The following TEPSIN variants were observed in gnomAD, a reference collection of about 807,000 sequenced individuals.
TEPSIN encodes the protein TEPSIN adaptor related protein complex 4 accessory protein, also known as AP-4 complex accessory subunit tepsin.
Under a neutral mutation model 48.5 loss-of-function variants are expected in TEPSIN, and 50 were observed. The ratio of observed to expected loss-of-function variants is 1.03; its 90% CI spans 0.82 to 1.31. The LOEUF is 1.31. TEPSIN is among the 50% of genes most tolerant of loss of function. TEPSIN has a pLI of 0.00. For missense variants in TEPSIN, 838 were observed against 815.9 expected (o/e 1.03, Z -0.33); for synonymous variants, 392 against 358.8 (o/e 1.09, Z -1.05).
intron 2 of TEPSIN, 97 bp downstream of exon 2, chr17:81,237,290 C>T (rs747589064): frequency 2.9e-5 from 40 of 1,390,330 alleles, no homozygotes; most frequent in Non-Finnish European, 3.8e-5. Context: ...AGCCGTGCAT[C>T]CCCCTAGGGA....
chr17:81,230,150 C>T lies in TEPSIN; in HGVS notation c.1233+394G>A, dbSNP rs564687832. On this transcript the variant is annotated intron_variant, in intron 12 of 12. Coordinates refer to ENST00000637944, the MANE Select transcript of TEPSIN (RefSeq NM_001363764.2). The surrounding 1 kb of genome is among the most constrained non-coding windows in gnomAD (Gnocchi z 4.2). ...TCAAGTGCACAGAGATGAATGGAAC[C>T]ATTTCTGCCCTCCGGAGCTTGGGAG... 8.0e-5 allele frequency: 17 copies of T among 211,344 alleles called. No homozygotes were observed. The highest frequency in any genetic ancestry group is 1.3e-4 in the Non-Finnish European group (14 of 104,828). 13.1% of individuals were successfully genotyped at this position (211,344 alleles called of 1,614,324 possible).
chr17:81,236,851 C>A, intron 3 of TEPSIN, 50 bp from the exon 4 acceptor site: 1 of 1,546,636 alleles, frequency 6.5e-7, no homozygotes, highest in Non-Finnish European at 8.7e-7. Context: ...CACGGGACAC[C>A]CAGGGCAGGG....
intron 7 of TEPSIN, 144 bp from the exon 8 acceptor site, chr17:81,232,662 GC>G: frequency 2.8e-6 from 2 of 713,858 alleles, no homozygotes; most frequent in Non-Finnish European, 4.5e-6. Context: ...CTCCTGGTGG[GC>G]CCCAGGCCCT....
chr17:81,232,633 A>C (rs895324920), intron 7 of TEPSIN, 115 bp from the exon 8 acceptor site: 2 of 998,126 alleles, frequency 2.0e-6, no homozygotes, highest in Non-Finnish European at 2.8e-6. Context: ...GTCGGGGTAC[A>C]TGCTGCAGGT....
In TEPSIN at chr17:81,231,386, TGTGCAGCTCACCAGCTGC is replaced by T. The variant is rs2062604479; in HGVS notation, c.1092_1098+11del. On this transcript the variant is annotated splice_donor_variant and splice_donor_5th_base_variant and coding_sequence_variant and intron_variant, in exon 11 of 13. Coordinates refer to ENST00000637944, the MANE Select transcript of TEPSIN (RefSeq NM_001363764.2). LOFTEE classifies it high-confidence loss of function. ...ACACAGTCACGCCCTCCCGCCCGCG[TGTGCAGCTCACCAGCTGC>T]GTGCATTCACTGGTCCCACGCAGGT... 3 of 1,539,714 alleles carry T rather than the reference TGTGCAGCTCACCAGCTGC, an allele frequency of 1.9e-6. No homozygotes were observed. The highest frequency in any genetic ancestry group is 2.6e-6 in the Non-Finnish European group (3 of 1,141,910).
chr17:81,237,433 G>A lies in TEPSIN; in HGVS notation c.75C>T (p.Ser25=), dbSNP rs747160570. The change falls in exon 2 of 13, where the codon TCC becomes TCT. Residue 25 remains serine, a synonymous_variant. Coordinates refer to ENST00000637944, the MANE Select transcript of TEPSIN (RefSeq NM_001363764.2). ...HRLPILLKGT[S]DDDVPCPGYL... ...AGCCCGGACACGGGACATCATCATC[G>A]GACGTCCCCTTCAGGAGAATCGGGA... 1.6e-5 allele frequency: 25 copies of A among 1,611,106 alleles called. No homozygotes were observed. Among genetic ancestry groups the A allele is most frequent in the African/African-American group, 2.7e-5 (2 of 74,864 alleles).
At chr17:81,229,569 C>T in intron 12 of TEPSIN, 93 bp from the exon 13 acceptor site, 1 of 1,390,222 alleles carries the variant, frequency 7.2e-7, no homozygotes, top group African/African-American at 1.5e-5. Context: ...TCCTCAGTCC[C>T]TCCACCCAGA....
rs143572077 is a variant in TEPSIN at position 81,230,647 on chromosome 17, C to T, written c.1130G>A (p.Ser377Asn). Residue 377 changes from serine (S) to asparagine (N), a missense_variant, in exon 12 of 13, where the codon AGC becomes AAC. Ser to Asn is a conservative substitution (Grantham distance 46, BLOSUM62 1). Transcript: ENST00000637944. The surrounding 1 kb of genome is among the most constrained non-coding windows in gnomAD (Gnocchi z 4.2). Reference sequence around the variant, plus strand: ...GTGCTCCTGGGGGAGGAGGTCGCTGCTCCCCAGGGAGGCGATGGCACACAG... The same window carrying T: ...GTGCTCCTGGGGGAGGAGGTCGCTGTTCCCCAGGGAGGCGATGGCACACAG... The part of the protein sequence containing the change: ...RALCAIASLG[S>N]SDLLPQEHIL... 137 of 1,585,248 alleles carry T rather than the reference C, an allele frequency of 8.6e-5. No homozygotes were observed. The highest frequency in any genetic ancestry group is 5.1e-4 in the Middle Eastern group (3 of 5,910).
intron 1 of TEPSIN, chr17:81,238,613 A>C (rs2062768797): frequency 9.0e-7 from 1 of 1,109,876 alleles, no homozygotes; most frequent in South Asian, 3.9e-5. Context: ...ACCGTCAGGG[A>C]GGACGGCGGG....
rs759578255 is a variant in TEPSIN at position 81,232,412 on chromosome 17, C to T, written c.633G>A (p.Pro211=). 16 of 1,535,640 alleles carry T rather than the reference C, an allele frequency of 1.0e-5. No individual in the cohort carries two copies. Among genetic ancestry groups the T allele is most frequent in the South Asian group, 8.3e-5 (7 of 84,032 alleles). ...PESPSTRRLL[P]RGDTYQPAMM... ...TGGCAGGCTGGTAGGTGTCACCCCG[C>T]GGCAGGAGCCTCCGGGTACTGGGAC... Residue 211 remains proline, a synonymous_variant, in exon 8 of 13, where the codon CCG becomes CCA. Transcript: ENST00000637944.
In TEPSIN at chr17:81,234,347, T is replaced by G. The variant is rs2062684112; in HGVS notation, c.308-299A>C. On this transcript the variant is annotated intron_variant, in intron 4 of 12. Transcript: ENST00000637944. This position sits in a 1 kb window ranked among gnomAD's most constrained non-coding sequence, Gnocchi z 5.4. ...GGTGTGGCCTCCCCGAAGCCCACTC[T>G]CCCTGCCCCAGGTGCACCAGGGACC... 1.0e-5 allele frequency: 3 copies of G among 295,402 alleles called. No homozygotes were observed. The highest frequency in any genetic ancestry group is 1.2e-5 in the Non-Finnish European group (2 of 160,250). 18.3% of individuals were successfully genotyped at this position (295,402 alleles called of 1,614,324 possible).
intron 7 of TEPSIN, chr17:81,232,974 C>G (rs939360204): frequency 4.2e-6 from 1 of 237,736 alleles, no homozygotes; most frequent in Non-Finnish European, 8.2e-6. Flanking sequence ...GCCCAGGGCC[C>G]GGCAGCAGGG....
Position 81,233,941 on chromosome 17 carries a change from G to C in TEPSIN, c.375+40C>G. On this transcript the variant is annotated intron_variant, in intron 5 of 12. Coordinates refer to ENST00000637944, the MANE Select transcript of TEPSIN (RefSeq NM_001363764.2). This position sits in a 1 kb window ranked among gnomAD's most constrained non-coding sequence, Gnocchi z 5.8. ...GCCCCAATCCCACCCCTCTACAGGAGGAGGGGCACCCCGCAGAGCGACACT... is the reference window on the plus strand; with the variant it reads ...GCCCCAATCCCACCCCTCTACAGGACGAGGGGCACCCCGCAGAGCGACACT... 5 of 1,574,750 alleles carry C rather than the reference G, an allele frequency of 3.2e-6. No homozygotes were observed. Among genetic ancestry groups the C allele is most frequent in the Non-Finnish European group, 3.4e-6 (4 of 1,165,022 alleles).
At chr17:81,229,590 A>C in intron 12 of TEPSIN, 114 bp from the exon 13 acceptor site, 2 of 1,134,054 alleles carry the variant, frequency 1.8e-6, no homozygotes, top group Non-Finnish European at 2.5e-6. Flanking sequence ...GGGCAGGGCC[A>C]CCTCTGGGCA....
Position 81,229,324 on chromosome 17 carries a change from C to CA in TEPSIN, c.1385dup (p.Ser463GlufsTer53), listed in dbSNP as rs760665760. The CA allele has an allele frequency of 4.5e-6, 7 of 1,568,848 alleles. No individual in the cohort carries two copies. Among genetic ancestry groups the CA allele is most frequent in the Non-Finnish European group, 1.7e-6 (2 of 1,156,970 alleles). On this transcript the variant is annotated frameshift_variant, in exon 13 of 13. Transcript: ENST00000637944. LOFTEE classifies it low-confidence loss of function (END_TRUNC). ...TCCGGGACGAGACCGGGGTTGAACT[C>CA]AGAGGCTGCAGGAAGACCTGGCTCC...
chr17:81,238,705 A>G lies in TEPSIN; in HGVS notation c.48+281T>C, dbSNP rs1340542788. 3.5e-5 allele frequency: 42 copies of G among 1,215,302 alleles called. No individual in the cohort carries two copies. In the South Asian group the frequency reaches 1.5e-3, roughly 44 times the overall value. 75.3% of individuals were successfully genotyped at this position (1,215,302 alleles called of 1,614,324 possible). ...TCCGCCGCTCCTTCCCTCCCGTCGG[A>G]GGCCACTGAATGCTGGCCGAGGCCT... On this transcript the variant is annotated intron_variant, in intron 1 of 12. Coordinates refer to ENST00000637944, the MANE Select transcript of TEPSIN (RefSeq NM_001363764.2).
rs148556282 is a variant in TEPSIN, at chr17:81,231,128, T to TAC, written c.1098+268_1098+269dup. The TAC allele has an allele frequency of 2.3e-3, 1,287 of 548,970 alleles. 16 individuals carry two copies. The highest frequency in any genetic ancestry group is 0.022 in the South Asian group (970 of 43,442). The allele number at this position is 548,970 out of a possible 1,614,324, so 34.0% of individuals were successfully genotyped here. A position where few individuals can be genotyped will look rare whatever the true frequency, so the allele number is the denominator to read the frequency against. ...ACACAACCACACACATGCAGTCATGTACACACACACACAGATGTGTGCATA... is the reference window on the plus strand; with the variant it reads ...ACACAACCACACACATGCAGTCATGTACACACACACACACAGATGTGTGCATA... On this transcript the variant is annotated intron_variant, in intron 11 of 12. Transcript: ENST00000637944.
In TEPSIN at chr17:81,229,171, T is replaced by G. The variant is rs2146817805; in HGVS notation, c.1539A>C (p.Arg513Ser). The G allele has an allele frequency of 6.2e-7, 1 of 1,600,668 alleles. No homozygotes were observed. ...CCGTGCCCCCTGGGATCCGTTCAGG[T>G]CTCCACCGCCTGCTTTCTGCCAGTC... Reference protein sequence around the residue: ...EARLAESRRWRPERIPGGTDS... With the variant: ...EARLAESRRWSPERIPGGTDS... The change falls in exon 13 of 13, where the codon AGA (arginine) becomes AGC (serine). Residue 513 changes from arginine to serine, a missense_variant. By Grantham distance (110) the Arg-to-Ser change is moderately radical (BLOSUM62 -1). Transcript: ENST00000637944.
At chr17:81,231,262 C>T (rs927327812) in intron 11 of TEPSIN, 136 bp downstream of exon 11, 42 of 899,616 alleles carry the variant, frequency 4.7e-5, no homozygotes, top group Admixed American at 3.7e-4. Flanking sequence ...CAGGCATGTG[C>T]GCACGCACAG....
Sources: allele counts gnomAD v4.1 joint callset, GRCh38; gene constraint gnomAD v4.1.1; non-coding constraint Gnocchi (gnomAD v3.1); transcripts MANE v1.5; gene names NCBI Gene and HGNC (gene_info 2026-07-23, HGNC 2026-07-21).